The following AUH variants were observed in gnomAD, a reference collection of about 807,000 sequenced individuals.
The protein encoded by AUH is methylglutaconyl-CoA hydratase, mitochondrial.
AUH carries 29 observed loss-of-function variants against 42.3 expected under a neutral mutation model. The observed-to-expected ratio is 0.69, with a 90% CI of 0.51 to 0.93. AUH has a LOEUF of 0.93. AUH is among the 40% of genes least tolerant of loss of function. The pLI is 0.00. For synonymous variants in AUH, 174 were observed against 166.4 expected (o/e 1.05, Z -0.35); for missense variants, 452 against 438.1 (o/e 1.03, Z -0.28).
intron 6 of AUH, among the ~76,000 whole-genome samples, chr9:91,266,662 T>C (rs1829994081): frequency 1.3e-5 from 2 of 152,158 alleles, no homozygotes; most frequent in South Asian, 2.1e-4. Flanking sequence ...TTGCAATATC[T>C]GCTACACAGG....
At chr9:91,219,294 C>A (rs182664146) in intron 7 of AUH, among the ~76,000 whole-genome samples, 2 of 152,318 alleles carry the variant, frequency 1.3e-5, no homozygotes, top group Admixed American at 6.5e-5. Context: ...CAGGAGCGGG[C>A]TCTGCAGATC....
At chr9:91,361,254 GCTGAGTTTACA>G (rs1172064493) in intron 1 of AUH, among the ~76,000 whole-genome samples, 2 of 152,124 alleles carry the variant, frequency 1.3e-5, no homozygotes, top group Admixed American at 1.3e-4. Context: ...ACCACTAATA[GCTGAGTTTACA>G]GAAAGCCATT....
intron 6 of AUH, among the ~76,000 whole-genome samples, chr9:91,264,989 T>C (rs1829893778): frequency 6.6e-6 from 1 of 152,212 alleles, no homozygotes; most frequent in Non-Finnish European, 1.5e-5. Flanking sequence ...TTAATACTTC[T>C]TCACACACAG....
At chr9:91,312,964 C>G (rs1423226162) in intron 4 of AUH, among the ~76,000 whole-genome samples, 1 of 152,126 alleles carries the variant, frequency 6.6e-6, no homozygotes, top group African/African-American at 2.4e-5. Context: ...AATAAAAGTT[C>G]CCATGAGGCA....
At chr9:91,260,515 T>A (rs1432989138) in intron 6 of AUH, among the ~76,000 whole-genome samples, 1 of 152,180 alleles carries the variant, frequency 6.6e-6, no homozygotes, top group Non-Finnish European at 1.5e-5. Context: ...AACAGTGGCC[T>A]TTCTCAGCTA....
chr9:91,264,578 T>C (rs955079469), intron 6 of AUH, among the ~76,000 whole-genome samples: 3 of 152,184 alleles, frequency 2.0e-5, no homozygotes, highest in Non-Finnish European at 4.4e-5. Context: ...TTCTTGGTTA[T>C]TACTTTGTTT....
intron 6 of AUH, among the ~76,000 whole-genome samples, chr9:91,272,184 G>A (rs779189573): frequency 9.9e-5 from 15 of 152,274 alleles, no homozygotes; most frequent in African/African-American, 2.2e-4. Context: ...TTAGGATAAC[G>A]AACATATGGT....
chr9:91,230,517 G>A (rs1297140826), intron 6 of AUH, among the ~76,000 whole-genome samples: 1 of 152,154 alleles, frequency 6.6e-6, no homozygotes, highest in Non-Finnish European at 1.5e-5. Flanking sequence ...CCATAGCTCA[G>A]AGTAATCTGA....
chr9:91,361,585 C>G, intron 1 of AUH, 43 bp downstream of exon 1: 1 of 1,554,570 alleles, frequency 6.4e-7, no homozygotes, highest in Non-Finnish European at 8.7e-7. Context: ...TGAGAGCGAG[C>G]GGCCGCCCGC....
chr9:91,248,217 G>A (rs968151165), intron 6 of AUH, among the ~76,000 whole-genome samples: 2 of 152,112 alleles, frequency 1.3e-5, no homozygotes, highest in Non-Finnish European at 1.5e-5. Flanking sequence ...ATGGATTGAA[G>A]TTCATTCTTT....
intron 6 of AUH, among the ~76,000 whole-genome samples, chr9:91,270,614 G>C (rs1825043792): frequency 6.6e-6 from 1 of 151,970 alleles, no homozygotes; most frequent in Non-Finnish European, 1.5e-5. Context: ...AGAGCAAAAA[G>C]GGAATAAACA....
chr9:91,307,682 G>A (rs1005825528), intron 4 of AUH, among the ~76,000 whole-genome samples: 14 of 152,064 alleles, frequency 9.2e-5, no homozygotes, highest in Non-Finnish European at 1.2e-4. Flanking sequence ...AAATTGTTCC[G>A]TTTTATTCCT....
intron 6 of AUH, 86 bp downstream of exon 6, chr9:91,295,935 G>A: frequency 6.9e-7 from 1 of 1,449,092 alleles, no homozygotes. Flanking sequence ...GCAAAATGTT[G>A]CCTTTCCAAT....
intron 6 of AUH, among the ~76,000 whole-genome samples, chr9:91,257,367 G>A (rs906495264): frequency 6.6e-6 from 1 of 151,570 alleles, no homozygotes; most frequent in Non-Finnish European, 1.5e-5. Context: ...GGGAGCGGTG[G>A]CACCAACAGA....
At chr9:91,223,963 T>G (rs1298162665) in intron 6 of AUH, among the ~76,000 whole-genome samples, 2 of 152,200 alleles carry the variant, frequency 1.3e-5, no homozygotes, top group Admixed American at 1.3e-4. Context: ...GATGACTCCT[T>G]GCCCCTCCCT....
At chr9:91,289,540 C>A (rs1057111104) in intron 6 of AUH, among the ~76,000 whole-genome samples, 1 of 152,028 alleles carries the variant, frequency 6.6e-6, no homozygotes, top group Non-Finnish European at 1.5e-5. Flanking sequence ...AAGAGATCTA[C>A]CAAGAAGGGA....
At chr9:91,273,297 A>G (rs1225302124) in intron 6 of AUH, among the ~76,000 whole-genome samples, 6 of 152,178 alleles carry the variant, frequency 3.9e-5, no homozygotes, top group African/African-American at 1.2e-4. Context: ...CATGCACACA[A>G]AAAGGTTCAC....
chr9:91,302,313 C>A (rs1369495921), intron 4 of AUH, among the ~76,000 whole-genome samples: 2 of 151,742 alleles, frequency 1.3e-5, no homozygotes, highest in Admixed American at 6.6e-5. Flanking sequence ...ACTAAAAATA[C>A]AAAAATTGGC....
chr9:91,361,835 C>T lies in AUH; in HGVS notation c.55G>A (p.Gly19Ser), dbSNP rs900765409. Residue 19 changes from glycine (G) to serine (S), a missense_variant, in exon 1 of 10, where the codon GGC becomes AGC. Coordinates refer to ENST00000375731, the MANE Select transcript of AUH (RefSeq NM_001698.3). ...CTGCAAGCGGCCACCAGGCGGGCGC[C>T]GCCAGCATGCAGGGATCCCAAGGCC... ...PGALGSLHAG[G>S]ARLVAACSAW... 1 of 1,500,900 alleles carries T rather than the reference C, an allele frequency of 6.7e-7. No individual in the cohort carries two copies. The highest frequency in any genetic ancestry group is 2.2e-5 in the Admixed American group (1 of 45,538). 93.0% of individuals were successfully genotyped at this position (1,500,900 alleles called of 1,614,324 possible).
Sources: gnomAD v4.1 joint callset for allele counts (sites outside exome capture counted in the v4.1 genomes callset) on GRCh38, gnomAD v4.1.1 for gene constraint, MANE v1.5 for transcripts, NCBI Gene and HGNC (gene_info 2026-07-23, HGNC 2026-07-21) for gene names.